The following HYDIN variants were observed in gnomAD, a reference collection of about 807,000 sequenced individuals.
HYDIN encodes HYDIN axonemal central pair apparatus protein, also known as axonemal central pair apparatus protein HYDIN.
In HYDIN, 132 loss-of-function variants were observed where a neutral mutation model predicts 403.9. The observed-to-expected ratio is 0.33, with a 90% CI of 0.28 to 0.38. HYDIN has a LOEUF of 0.38. Ranked by LOEUF, HYDIN falls within the 10% of genes least tolerant of loss-of-function variation. The pLI is 1.00. For synonymous variants in HYDIN, 1,202 were observed against 1,891.7 expected (o/e 0.64, Z 9.46); for missense variants, 2,827 against 5,009.5 (o/e 0.56, Z 13.15).
chr16:71,064,761 T>A lies in HYDIN; in HGVS notation c.2155A>T (p.Thr719Ser). ...HCFLKYPYEK[T>S]LQLANQDDLP... ...TCATCTTGATTGGCAAGCTGGAGTGTTTTCTCATACGGGTACTTCAGGAAG... is the reference window on the plus strand; with the variant it reads ...TCATCTTGATTGGCAAGCTGGAGTGATTTCTCATACGGGTACTTCAGGAAG... Residue 719 changes from threonine (T) to serine (S), a missense_variant, in exon 16 of 86, where the codon ACA becomes TCA. Coordinates refer to ENST00000393567, the MANE Select transcript of HYDIN (RefSeq NM_001270974.2). 6.2e-7 allele frequency: 1 copy of A among 1,613,954 alleles called. No homozygotes were observed. The highest frequency in any genetic ancestry group is 8.5e-7 in the Non-Finnish European group (1 of 1,179,964).
chr16:70,811,309 C>T (rs1276856938), intron 84 of HYDIN: 1 of 152,860 alleles, frequency 6.5e-6, no homozygotes, highest in Non-Finnish European at 1.5e-5. Context: ...TAGCAGCACA[C>T]ACCTGTAGTC....
At position 70,860,690 on chromosome 16, in the gene HYDIN, G is replaced by A. The variant is rs201828389; in HGVS notation, c.11989C>T (p.Arg3997Trp). 2.4e-4 allele frequency: 128 copies of A among 536,468 alleles called. 1 individual carries two copies. Among genetic ancestry groups the A allele is most frequent in the Admixed American group, 2.2e-3 (61 of 27,226 alleles). The allele number at this position is 536,468 out of a possible 1,614,324, so 33.2% of individuals were successfully genotyped here. A position where few individuals can be genotyped will look rare whatever the true frequency, so the allele number is the denominator to read the frequency against. The change falls in exon 70 of 86, where the codon CGG becomes TGG. Residue 3997 changes from arginine (R) to tryptophan (W), a missense_variant and splice_region_variant. Coordinates refer to ENST00000393567, the MANE Select transcript of HYDIN (RefSeq NM_001270974.2). Reference sequence around the variant, plus strand: ...TCAATGTAAACCTAAGCAACTCACCGGAGATTCTTCCCTCCTATGCCCACA... The same window carrying A: ...TCAATGTAAACCTAAGCAACTCACCAGAGATTCTTCCCTCCTATGCCCACA... ...TTVGIGGKNL[R>W]TFTILNPTNS...
At chr16:71,063,217 GC>G (rs1269212664) in intron 16 of HYDIN, among the ~76,000 whole-genome samples, 1 of 152,174 alleles carries the variant, frequency 6.6e-6, no homozygotes, top group Non-Finnish European at 1.5e-5. Context: ...GGACGACAGA[GC>G]ATGCAGGTGT....
In HYDIN at chr16:70,863,283, C is replaced by A. The variant is rs1353185298; in HGVS notation, c.11472-101G>T. On this transcript the variant is annotated intron_variant, in intron 67 of 85. Transcript: ENST00000393567. ...TGTACTTAACCTTTTGAAGTCATGT[C>A]ACTTTGTTTCTTAAATATTTTTAAA... 1.5e-5 allele frequency: 16 copies of A among 1,097,344 alleles called. No homozygotes were observed. In the African/African-American group the frequency reaches 2.6e-4, roughly 18 times the overall value. 68.0% of individuals were successfully genotyped at this position (1,097,344 alleles called of 1,614,324 possible). A position where few individuals can be genotyped will look rare whatever the true frequency, so the allele number is the denominator to read the frequency against.
In HYDIN at chr16:71,126,720, C is replaced by T. The variant is rs566999440; in HGVS notation, c.1227+2920G>A. On this transcript the variant is annotated intron_variant, in intron 9 of 85. Coordinates refer to ENST00000393567, the MANE Select transcript of HYDIN (RefSeq NM_001270974.2). Reference sequence around the variant, plus strand: ...AGAAGCAGGAAGAACGGAATTGCCTCGGATATGTTTCTTTGTTTTTGTAAT... The same window carrying T: ...AGAAGCAGGAAGAACGGAATTGCCTTGGATATGTTTCTTTGTTTTTGTAAT... Among the ~76,000 whole-genome samples the T allele has an allele frequency of 4.2e-3, 639 of 152,290 alleles. 3 individuals are homozygous for T. The highest frequency in any genetic ancestry group is 0.014 in the African/African-American group (583 of 41,532).
intron 77 of HYDIN, among the ~76,000 whole-genome samples, chr16:70,836,489 G>A (rs1349632460): frequency 6.6e-6 from 1 of 152,232 alleles, no homozygotes. Context: ...AAAGCAGGAG[G>A]GAGAGATGAT....
At chr16:71,097,877 C>G (rs1158207287) in intron 10 of HYDIN, among the ~76,000 whole-genome samples, 2 of 152,014 alleles carry the variant, frequency 1.3e-5, no homozygotes, top group Non-Finnish European at 2.9e-5. Flanking sequence ...AGTGATATTT[C>G]TAATTCATTA....
At chr16:71,224,017 G>A (rs1378092945) in intron 1 of HYDIN, among the ~76,000 whole-genome samples, 3 of 152,196 alleles carry the variant, frequency 2.0e-5, no homozygotes, top group Non-Finnish European at 4.4e-5. Flanking sequence ...AACACAATTT[G>A]CAATTGCAAA....
At chr16:71,050,646 T>C (rs2081604776) in intron 18 of HYDIN, among the ~76,000 whole-genome samples, 1 of 151,760 alleles carries the variant, frequency 6.6e-6, no homozygotes, top group Non-Finnish European at 1.5e-5. Flanking sequence ...ATCATACATA[T>C]GTAGCCTCTT....
At chr16:70,887,784 T>C (rs2041230055) in intron 58 of HYDIN, among the ~76,000 whole-genome samples, 1 of 150,460 alleles carries the variant, frequency 6.6e-6, no homozygotes, top group South Asian at 2.1e-4. Context: ...CCCGGGTTCA[T>C]GCCATTCTCC....
At chr16:71,217,620 C>T (rs930538906) in intron 1 of HYDIN, among the ~76,000 whole-genome samples, 9 of 152,072 alleles carry the variant, frequency 5.9e-5, no homozygotes, top group African/African-American at 1.7e-4. Flanking sequence ...CCTATGGAGC[C>T]GAGCATAATT....
intron 8 of HYDIN, among the ~76,000 whole-genome samples, chr16:71,130,588 C>T (rs1052174151): frequency 4.1e-5 from 6 of 147,004 alleles, no homozygotes; most frequent in East Asian, 4.2e-4. Context: ...CCCGGGTTCA[C>T]GCCATTCTCC....
At chr16:71,218,028 T>C (rs2088981871) in intron 1 of HYDIN, among the ~76,000 whole-genome samples, 1 of 152,214 alleles carries the variant, frequency 6.6e-6, no homozygotes, top group Non-Finnish European at 1.5e-5. Flanking sequence ...CTGTATTCTT[T>C]TGATTACAAA....
At chr16:70,934,437 G>A (rs1060752) in intron 45 of HYDIN, among the ~76,000 whole-genome samples, 2 of 129,562 alleles carry the variant, frequency 1.5e-5, no homozygotes, top group South Asian at 2.4e-4. Context: ...GCTGACGGTC[G>A]AAGACATAGA....
rs866136193 is a variant in HYDIN at position 71,015,275 on chromosome 16, G to A, written c.3644+2854C>T. Reference sequence around the variant, plus strand: ...CAATATTAAGAGATAGGAAGATGCCGAAGAAAGAGAAAAACGGTTAAATAA... The same window carrying A: ...CAATATTAAGAGATAGGAAGATGCCAAAGAAAGAGAAAAACGGTTAAATAA... On this transcript the variant is annotated intron_variant, in intron 23 of 85. Transcript: ENST00000393567. Among the ~76,000 whole-genome samples the A allele has an allele frequency of 3.9e-5, 6 of 151,932 alleles. No individual in the cohort carries two copies. The South Asian group carries it at 8.3e-4, about 21-fold the overall frequency.
intron 1 of HYDIN, among the ~76,000 whole-genome samples, chr16:71,202,730 T>G (rs919833599): frequency 2.6e-5 from 4 of 152,208 alleles, no homozygotes; most frequent in African/African-American, 9.6e-5. Flanking sequence ...TCATCTTGCT[T>G]GGATTCAAGT....
Position 70,807,625 on chromosome 16 carries a change from C to G in HYDIN, c.15321G>C (p.Glu5107Asp). ...TVSCPPGEGS[E>D]TGVKWVYYLK... is the part of the protein sequence containing the mutation. ...GATAATAAACCCATTTAACTCCAGTCTCACTCCCTTCACCAGGAGGGCAGC... is the reference window on the plus strand; with the variant it reads ...GATAATAAACCCATTTAACTCCAGTGTCACTCCCTTCACCAGGAGGGCAGC... The change falls in exon 86 of 86, where the codon GAG becomes GAC. Residue 5107 changes from glutamate (E) to aspartate (D), a missense_variant. Glu to Asp is a conservative substitution (Grantham distance 45). Transcript: ENST00000393567. 3 of 1,614,064 alleles carry G rather than the reference C, an allele frequency of 1.9e-6. No individual in the cohort carries two copies. Among genetic ancestry groups the G allele is most frequent in the Non-Finnish European group, 2.5e-6 (3 of 1,179,978 alleles).
At chr16:71,029,088 C>T (rs1351832568) in intron 19 of HYDIN, among the ~76,000 whole-genome samples, 3 of 152,034 alleles carry the variant, frequency 2.0e-5, no homozygotes, top group Non-Finnish European at 2.9e-5. Context: ...CAATTAGAAG[C>T]GGCAGCGTAT....
intron 10 of HYDIN, among the ~76,000 whole-genome samples, chr16:71,104,027 T>C (rs1238247978): frequency 3.3e-5 from 5 of 152,130 alleles, no homozygotes; most frequent in Non-Finnish European, 5.9e-5. Context: ...TATTTCTCAA[T>C]GTTATTGTAA....
Sources: allele counts gnomAD v4.1 joint callset (sites outside exome capture counted in the v4.1 genomes callset), GRCh38; gene constraint gnomAD v4.1.1; transcripts MANE v1.5; gene names NCBI Gene and HGNC (gene_info 2026-07-23, HGNC 2026-07-21).